KCTD16: variants seen among roughly 807,000 people sequenced by gnomAD.
KCTD16 encodes BTB/POZ domain-containing protein KCTD16.
In KCTD16, 13 loss-of-function variants were observed where a neutral mutation model predicts 33.2. That is an observed-to-expected ratio of 0.39 (90% CI 0.25 to 0.62). The LOEUF (loss-of-function observed/expected upper bound fraction) is 0.62. Ranked by LOEUF, KCTD16 falls within the 20% of genes least tolerant of loss-of-function variation. KCTD16 has a pLI of 0.50. For synonymous variants in KCTD16, 197 were observed against 195.3 expected (o/e 1.01, Z -0.07); for missense variants, 441 against 525.1 (o/e 0.84, Z 1.57).
intron 3 of KCTD16, among the ~76,000 whole-genome samples, chr5:144,280,358 G>C (rs1266122544): frequency 6.6e-6 from 1 of 151,858 alleles, no homozygotes; most frequent in Non-Finnish European, 1.5e-5. Flanking sequence ...TTTTAAAATA[G>C]CTATATAACT....
intron 3 of KCTD16, among the ~76,000 whole-genome samples, chr5:144,257,316 A>T (rs1754875980): frequency 6.6e-6 from 1 of 152,158 alleles, no homozygotes; most frequent in Admixed American, 6.5e-5. Flanking sequence ...AATGCTCAAG[A>T]TGACAAGATC....
chr5:144,237,490 T>A (rs1021856453), intron 3 of KCTD16, among the ~76,000 whole-genome samples: 3 of 152,118 alleles, frequency 2.0e-5, no homozygotes, highest in African/African-American at 7.2e-5. Flanking sequence ...TACTCTTTGG[T>A]CACTTTTTCC....
chr5:144,354,936 C>G (rs998820066), intron 3 of KCTD16, among the ~76,000 whole-genome samples: 3 of 152,084 alleles, frequency 2.0e-5, no homozygotes, highest in African/African-American at 7.2e-5. Context: ...CTAATAATAG[C>G]TAACATTTAT....
chr5:144,339,779 A>G (rs912571102), intron 3 of KCTD16, among the ~76,000 whole-genome samples: 1 of 152,034 alleles, frequency 6.6e-6, no homozygotes, highest in African/African-American at 2.4e-5. Context: ...GAATGTCTAT[A>G]TGAAATACTT....
chr5:144,197,804 T>G (rs1032489754), intron 2 of KCTD16, among the ~76,000 whole-genome samples: 13 of 152,204 alleles, frequency 8.5e-5, no homozygotes, highest in Non-Finnish European at 1.5e-4. Flanking sequence ...TTCAGGATTG[T>G]TTTAGGAATT....
intron 3 of KCTD16, among the ~76,000 whole-genome samples, chr5:144,280,582 A>T (rs145611290): frequency 0.029 from 4,391 of 152,212 alleles, 94 homozygotes; most frequent in Middle Eastern, 0.061. Flanking sequence ...AGACTTACTA[A>T]TTTTGTTGAT....
At chr5:144,315,574 T>C (rs1390342172) in intron 3 of KCTD16, among the ~76,000 whole-genome samples, 1 of 152,188 alleles carries the variant, frequency 6.6e-6, no homozygotes, top group Non-Finnish European at 1.5e-5. Flanking sequence ...TTAAGTGTTA[T>C]GTGCCAAGCA....
chr5:144,373,625 T>C (rs1195679560), intron 3 of KCTD16, among the ~76,000 whole-genome samples: 2 of 152,168 alleles, frequency 1.3e-5, no homozygotes, highest in African/African-American at 4.8e-5. Context: ...TTACGTGATA[T>C]GTCATCTACA....
intron 3 of KCTD16, among the ~76,000 whole-genome samples, chr5:144,342,588 T>G (rs1752675985): frequency 6.6e-6 from 1 of 152,198 alleles, no homozygotes; most frequent in Non-Finnish European, 1.5e-5. Flanking sequence ...CCTGCCTGAT[T>G]GCCCTGGCCA....
At chr5:144,422,754 A>G (rs1309522698) in intron 3 of KCTD16, among the ~76,000 whole-genome samples, 2 of 152,210 alleles carry the variant, frequency 1.3e-5, no homozygotes, top group Non-Finnish European at 2.9e-5. Flanking sequence ...ACCATTTAAA[A>G]TGAAAACATG....
intron 2 of KCTD16, among the ~76,000 whole-genome samples, chr5:144,184,999 A>G (rs923935449): frequency 2.6e-5 from 4 of 152,204 alleles, no homozygotes. Context: ...AATAACCAAA[A>G]CTTGCTCTTA....
intron 3 of KCTD16, among the ~76,000 whole-genome samples, chr5:144,440,585 A>C (rs2126976563): frequency 6.6e-6 from 1 of 151,918 alleles, no homozygotes; most frequent in South Asian, 2.1e-4. Flanking sequence ...TAATCCCAGC[A>C]CTTTGGGAGG....
chr5:144,176,836 G>A (rs1056789172), intron 2 of KCTD16, among the ~76,000 whole-genome samples: 2 of 152,126 alleles, frequency 1.3e-5, no homozygotes, highest in Admixed American at 1.3e-4. Context: ...CTATTTTTCT[G>A]TTAGAATTCT....
At chr5:144,350,574 C>T (rs1377418780) in intron 3 of KCTD16, among the ~76,000 whole-genome samples, 1 of 152,082 alleles carries the variant, frequency 6.6e-6, no homozygotes, top group Admixed American at 6.6e-5. Context: ...GCAAATGAAG[C>T]CCTTAATGAT....
chr5:144,435,776 G>A lies in KCTD16; in HGVS notation c.833-37884G>A, dbSNP rs1045256253. Among the ~76,000 whole-genome samples the A allele has an allele frequency of 3.3e-5, 5 of 151,944 alleles. No homozygotes were observed. In the East Asian group the frequency reaches 9.7e-4, roughly 29 times the overall value. On this transcript the variant is annotated intron_variant, in intron 3 of 3. Transcript: ENST00000512467. ...TCCTTGGTAGAGGTGATTTTGTTTT[G>A]TGGTGGTGGTTGTTTTTGTGTGCTT... is the stretch of plus-strand genomic sequence containing the variant.
intron 3 of KCTD16, among the ~76,000 whole-genome samples, chr5:144,261,737 A>G (rs1243942861): frequency 6.6e-6 from 1 of 152,162 alleles, no homozygotes; most frequent in East Asian, 1.9e-4. Flanking sequence ...CTGGAGGGAC[A>G]ATTATTTTTC....
chr5:144,362,715 G>A (rs939074014), intron 3 of KCTD16, among the ~76,000 whole-genome samples: 1 of 152,128 alleles, frequency 6.6e-6, no homozygotes, highest in African/African-American at 2.4e-5. Context: ...TAGGGTGTTG[G>A]TGGATGTGGT....
chr5:144,406,168 A>G lies in KCTD16; in HGVS notation c.833-67492A>G, dbSNP rs565208843. Among the ~76,000 whole-genome samples the G allele has an allele frequency of 2.0e-5, 3 of 152,334 alleles. No homozygotes were observed. The South Asian group carries it at 6.2e-4, about 32-fold the overall frequency. Reference sequence around the variant, plus strand: ...ACCAGGAAGCACCCTGAGAATTCCCAAAGTGATTTCAGCCTAATGAAAGGC... The same window carrying G: ...ACCAGGAAGCACCCTGAGAATTCCCGAAGTGATTTCAGCCTAATGAAAGGC... On this transcript the variant is annotated intron_variant, in intron 3 of 3. Coordinates refer to ENST00000512467, the MANE Select transcript of KCTD16 (RefSeq NM_020768.4).
In KCTD16 at chr5:144,474,993, C is replaced by T. The variant is rs1286519345; in HGVS notation, c.*879C>T. The T allele has an allele frequency of 2.0e-5, 3 of 152,218 alleles. No homozygotes were observed. Among genetic ancestry groups the T allele is most frequent in the Non-Finnish European group, 1.5e-5 (1 of 68,044 alleles). The allele number at this position is 152,218 out of a possible 1,614,324, so 9.4% of individuals were successfully genotyped here. On this transcript the variant is annotated 3_prime_UTR_variant, in exon 4 of 4. Transcript: ENST00000512467. ...TAAAAAAATCAAACATTCATATCCA[C>T]AAAATTTTCTGCTAAATGACTCCAC...
Sources: gnomAD v4.1 joint callset for allele counts (sites outside exome capture counted in the v4.1 genomes callset) on GRCh38, gnomAD v4.1.1 for gene constraint, MANE v1.5 for transcripts, NCBI Gene and HGNC (gene_info 2026-07-23, HGNC 2026-07-21) for gene names.